KCTD1: variants seen among roughly 807,000 people sequenced by gnomAD.
KCTD1 encodes BTB/POZ domain-containing protein KCTD1.
Under a neutral mutation model 66.0 loss-of-function variants are expected in KCTD1, and 24 were observed. The observed-to-expected ratio is 0.36, with a 90% CI of 0.26 to 0.51. The LOEUF (loss-of-function observed/expected upper bound fraction) is 0.51, where lower values mean the gene tolerates loss of function less well. KCTD1 is among the 20% of genes least tolerant of loss of function. The probability of loss-of-function intolerance (pLI) is 0.95; values close to 1 mark genes in which losing one functional copy is unlikely to be tolerated. For missense variants in KCTD1, 943 were observed against 1,205.2 expected (o/e 0.78, Z 3.22); for synonymous variants, 511 against 517.2 (o/e 0.99, Z 0.16).
intron 1 of KCTD1, among the ~76,000 whole-genome samples, chr18:26,622,421 C>G (rs562780142): frequency 2.0e-5 from 3 of 152,172 alleles, no homozygotes; most frequent in Non-Finnish European, 4.4e-5. Context: ...TTTCTCCTCC[C>G]CATAAACCAT....
chr18:26,539,493 T>C (rs1420397866), intron 1 of KCTD1, among the ~76,000 whole-genome samples: 1 of 152,186 alleles, frequency 6.6e-6, no homozygotes, highest in Non-Finnish European at 1.5e-5. Context: ...TTTCAGTATG[T>C]CTTCATTATT....
At chr18:26,635,439 G>A (rs1205841308) in intron 1 of KCTD1, among the ~76,000 whole-genome samples, 8 of 152,210 alleles carry the variant, frequency 5.3e-5, no homozygotes, top group Non-Finnish European at 1.2e-4. Context: ...AGACCTGGTC[G>A]TGCTCCTGCG....
chr18:26,514,925 A>G (rs1306005347), intron 1 of KCTD1, among the ~76,000 whole-genome samples: 3 of 152,226 alleles, frequency 2.0e-5, no homozygotes, highest in South Asian at 4.1e-4. Context: ...GGGTGAGAAG[A>G]TATCAGTGAA....
chr18:26,495,325 T>C (rs574814887), intron 2 of KCTD1, among the ~76,000 whole-genome samples: 57 of 152,334 alleles, frequency 3.7e-4, no homozygotes, highest in Admixed American at 9.8e-4. Flanking sequence ...AATTATCCTC[T>C]GAATGTATGC....
intron 1 of KCTD1, among the ~76,000 whole-genome samples, chr18:26,616,141 C>CTTTTTTTTTTTTTT (rs11354165): frequency 7.2e-6 from 1 of 138,106 alleles, no homozygotes. Flanking sequence ...TTAAGTGTTT[C>CTTTTTTTTTTTTTT]TTTTTTTTTT....
chr18:26,615,864 C>T (rs1402822940), intron 1 of KCTD1, among the ~76,000 whole-genome samples: 2 of 152,150 alleles, frequency 1.3e-5, no homozygotes, highest in African/African-American at 2.4e-5. Flanking sequence ...TGTCTCAGCT[C>T]ACTGCAACCT....
At chr18:26,511,020 T>C (rs1983303298) in intron 1 of KCTD1, among the ~76,000 whole-genome samples, 1 of 152,216 alleles carries the variant, frequency 6.6e-6, no homozygotes, top group African/African-American at 2.4e-5. Flanking sequence ...TATTCCTTTA[T>C]GCTATACAGA....
At position 26,599,691 on chromosome 18, in the gene KCTD1, A is replaced by G. The variant is rs535693924; in HGVS notation, c.-16+29456T>C. 5.3e-6 allele frequency: 8 copies of G among 1,502,406 alleles called. No individual in the cohort carries two copies. The African/African-American group carries it at 5.5e-5, about 10-fold the overall frequency. 93.1% of individuals were successfully genotyped at this position (1,502,406 alleles called of 1,614,324 possible). A position where few individuals can be genotyped will look rare whatever the true frequency, so the allele number is the denominator to read the frequency against. On this transcript the variant is annotated intron_variant, in intron 1 of 4. Transcript: ENST00000317932. Reference sequence around the variant, plus strand: ...CGGCCTGGTGGATGTCTTTTTCTGAAAGAGCCAGTAGAGACAGCTGTAGAT... The same window carrying G: ...CGGCCTGGTGGATGTCTTTTTCTGAGAGAGCCAGTAGAGACAGCTGTAGAT...
upstream of KCTD1, among the ~76,000 whole-genome samples, chr18:26,631,713 A>G (rs1410844691): frequency 6.6e-6 from 1 of 152,192 alleles, no homozygotes; most frequent in Non-Finnish European, 1.5e-5. Flanking sequence ...ATAGAATAAA[A>G]ATATTCCCAA....
intron 1 of KCTD1, among the ~76,000 whole-genome samples, chr18:26,584,181 C>A (rs1338621485): frequency 6.6e-6 from 1 of 152,080 alleles, no homozygotes; most frequent in Non-Finnish European, 1.5e-5. Flanking sequence ...TGGCAATACC[C>A]GGAACAGATA....
At chr18:26,551,613 A>G (rs1985569624), upstream of KCTD1, among the ~76,000 whole-genome samples, 1 of 152,170 alleles carries the variant, frequency 6.6e-6, no homozygotes, top group African/African-American at 2.4e-5. Context: ...AACACCCAGA[A>G]AAACAGATAT....
chr18:26,549,547 C>T, upstream of KCTD1: 1 of 820,752 alleles, frequency 1.2e-6, no homozygotes, highest in Non-Finnish European at 1.5e-6. Context: ...CCCCACCCGC[C>T]CAGGGCGCCG....
chr18:26,548,965 T>G, upstream of KCTD1: 1 of 985,228 alleles, frequency 1.0e-6, no homozygotes. Context: ...GTCTCGTTTC[T>G]CTAAGTAATG....
chr18:26,589,188 T>C (rs949552841), intron 1 of KCTD1, among the ~76,000 whole-genome samples: 3 of 152,142 alleles, frequency 2.0e-5, no homozygotes, highest in African/African-American at 7.2e-5. Flanking sequence ...GTAACGTGAA[T>C]GTGAGTGAGG....
At chr18:26,600,571 G>A (rs908962125) in intron 1 of KCTD1, among the ~76,000 whole-genome samples, 1 of 152,052 alleles carries the variant, frequency 6.6e-6, no homozygotes, top group Non-Finnish European at 1.5e-5. Flanking sequence ...AGCACGGGAT[G>A]GGTTTCTTCA....
intron 2 of KCTD1, among the ~76,000 whole-genome samples, chr18:26,488,814 C>T (rs926914736): frequency 3.9e-5 from 6 of 152,198 alleles, no homozygotes; most frequent in Non-Finnish European, 7.4e-5. Context: ...ATTTGACACT[C>T]GGTAGCAGCA....
chr18:26,616,437 A>G (rs1987255527), intron 1 of KCTD1, among the ~76,000 whole-genome samples: 1 of 151,330 alleles, frequency 6.6e-6, no homozygotes, highest in South Asian at 2.1e-4. Context: ...TCTAAGACAC[A>G]TGTTTACAGC....
chr18:26,644,320 G>A (rs186376203), upstream of KCTD1, among the ~76,000 whole-genome samples: 301 of 152,288 alleles, frequency 2.0e-3, 1 homozygote, highest in African/African-American at 5.7e-3. Context: ...AGGACCGACC[G>A]TTGGCAAGAC....
chr18:26,609,297 T>C (rs557658827), intron 1 of KCTD1, among the ~76,000 whole-genome samples: 21 of 152,346 alleles, frequency 1.4e-4, no homozygotes, highest in African/African-American at 5.1e-4. Flanking sequence ...ACATCTCAAG[T>C]GCCTGGCATA....
Sources: gnomAD v4.1 joint callset for allele counts (sites outside exome capture counted in the v4.1 genomes callset) on GRCh38, gnomAD v4.1.1 for gene constraint, MANE v1.5 for transcripts, NCBI Gene and HGNC (gene_info 2026-07-23, HGNC 2026-07-21) for gene names.